APPBP2: variants seen among roughly 807,000 people sequenced by gnomAD.
APPBP2 encodes the protein amyloid beta precursor protein binding protein 2, also known as amyloid protein-binding protein 2.
In APPBP2, 15 loss-of-function variants were observed where a neutral mutation model predicts 76.0. The ratio of observed to expected loss-of-function variants is 0.20; its 90% CI spans 0.13 to 0.30. APPBP2 has a LOEUF of 0.30. Ranked by LOEUF, APPBP2 falls within the 10% of genes least tolerant of loss-of-function variation. The probability of loss-of-function intolerance (pLI) is 1.00; values close to 1 mark genes in which losing one functional copy is unlikely to be tolerated. For missense variants in APPBP2, 401 were observed against 687.2 expected (o/e 0.58, Z 4.66); for synonymous variants, 222 against 242.2 (o/e 0.92, Z 0.77).
chr17:60,502,979 G>A (rs1317284396), intron 1 of APPBP2, among the ~76,000 whole-genome samples: 1 of 145,554 alleles, frequency 6.9e-6, no homozygotes, highest in South Asian at 2.1e-4. Context: ...TACTAAATGA[G>A]AGTCTATATT....
At chr17:60,469,379 G>A (rs2090535020) in intron 4 of APPBP2, among the ~76,000 whole-genome samples, 1 of 150,854 alleles carries the variant, frequency 6.6e-6, no homozygotes, top group African/African-American at 2.5e-5. Context: ...GGGGAGAGCT[G>A]CATAATGAAA....
At chr17:60,501,401 T>C (rs2090822415) in intron 1 of APPBP2, among the ~76,000 whole-genome samples, 1 of 152,190 alleles carries the variant, frequency 6.6e-6, no homozygotes, top group African/African-American at 2.4e-5. Flanking sequence ...CAAATGCTTT[T>C]TGAGACAGTC....
At chr17:60,459,025 C>A (rs1395368651) in intron 9 of APPBP2, among the ~76,000 whole-genome samples, 2 of 152,050 alleles carry the variant, frequency 1.3e-5, no homozygotes, top group Non-Finnish European at 2.9e-5. Flanking sequence ...CCCGCTTCGG[C>A]CTCCCAAAGT....
At chr17:60,523,539 GGAA>G (rs946558088) in intron 1 of APPBP2, among the ~76,000 whole-genome samples, 8 of 152,042 alleles carry the variant, frequency 5.3e-5, no homozygotes, top group African/African-American at 1.7e-4. Flanking sequence ...GTGTTTAAAA[GGAA>G]GAAAAGTCAG....
chr17:60,458,464 A>G (rs1598348220), intron 9 of APPBP2, among the ~76,000 whole-genome samples: 1 of 151,974 alleles, frequency 6.6e-6, no homozygotes, highest in South Asian at 2.1e-4. Flanking sequence ...AAACAAAAAA[A>G]CTTCCTGTTT....
chr17:60,453,970 CA>C (rs1472795752), intron 11 of APPBP2, among the ~76,000 whole-genome samples: 2 of 152,190 alleles, frequency 1.3e-5, no homozygotes, highest in African/African-American at 4.8e-5. Flanking sequence ...TTCTTGGGCT[CA>C]ACTCATCCTC....
At chr17:60,497,231 A>T (rs931992748) in intron 2 of APPBP2, among the ~76,000 whole-genome samples, 1 of 152,188 alleles carries the variant, frequency 6.6e-6, no homozygotes, top group Non-Finnish European at 1.5e-5. Context: ...ATGGTAAGTA[A>T]AAGAAGCCAG....
rs74396726 is a variant in APPBP2, at chr17:60,495,693, C to T, written c.228-1076G>A. On this transcript the variant is annotated intron_variant, in intron 2 of 12. Coordinates refer to ENST00000083182, the MANE Select transcript of APPBP2 (RefSeq NM_006380.5). ...AAAAACGGGAACCCTCATACATTGGCGGTGGGATTATAAAATGATATGGCT... is the reference window on the plus strand; with the variant it reads ...AAAAACGGGAACCCTCATACATTGGTGGTGGGATTATAAAATGATATGGCT... 2.5e-3 allele frequency among the ~76,000 whole-genome samples: 377 copies of T among 151,850 alleles called. 1 individual carries two copies. The highest frequency in any genetic ancestry group is 8.8e-3 in the African/African-American group (365 of 41,400).
intron 1 of APPBP2, among the ~76,000 whole-genome samples, chr17:60,516,318 T>C (rs2090963517): frequency 6.6e-6 from 1 of 152,222 alleles, no homozygotes; most frequent in Non-Finnish European, 1.5e-5. Context: ...TTTCGTTCAA[T>C]TTTTGTGCAT....
chr17:60,492,567 G>A (rs1002023629), intron 3 of APPBP2, among the ~76,000 whole-genome samples: 1 of 152,216 alleles, frequency 6.6e-6, no homozygotes, highest in Non-Finnish European at 1.5e-5. Context: ...GTGAGACATG[G>A]AGTCAGAAAA....
At chr17:60,451,510 G>A (rs371507969) in intron 12 of APPBP2, among the ~76,000 whole-genome samples, 106 of 152,036 alleles carry the variant, frequency 7.0e-4, no homozygotes, top group African/African-American at 2.3e-3. Context: ...GTCTCGTTCT[G>A]TTGCCCAGGC....
intron 3 of APPBP2, among the ~76,000 whole-genome samples, chr17:60,492,474 G>A (rs1384403396): frequency 6.6e-6 from 1 of 152,210 alleles, no homozygotes; most frequent in Non-Finnish European, 1.5e-5. Flanking sequence ...GCAGCTGGGA[G>A]GGAGGCTGTA....
intron 2 of APPBP2, 94 bp from the exon 3 acceptor site, chr17:60,494,711 T>C: frequency 8.8e-7 from 1 of 1,137,710 alleles, no homozygotes; most frequent in Non-Finnish European, 1.2e-6. Flanking sequence ...ATAGCACCAT[T>C]ATTTTCCAGG....
intron 2 of APPBP2, among the ~76,000 whole-genome samples, chr17:60,497,193 T>G (rs1043214448): frequency 6.6e-5 from 10 of 152,204 alleles, no homozygotes; most frequent in African/African-American, 2.4e-4. Flanking sequence ...TGAGATCCTG[T>G]CATCTGCAAC....
At position 60,447,458 on chromosome 17, in the gene APPBP2, C is replaced by A; in HGVS notation, c.*123G>T. ...AGATAGGGATCACCCAAAATAGGGT[C>A]TTCAATGGACTGGACCAGTGTTTCA... On this transcript the variant is annotated 3_prime_UTR_variant, in exon 13 of 13. Coordinates refer to ENST00000083182, the MANE Select transcript of APPBP2 (RefSeq NM_006380.5). The A allele has an allele frequency of 8.7e-7, 1 of 1,144,542 alleles. No individual in the cohort carries two copies. Among genetic ancestry groups the A allele is most frequent in the Non-Finnish European group, 1.2e-6 (1 of 815,360 alleles). The allele number at this position is 1,144,542 out of a possible 1,614,324, so 70.9% of individuals were successfully genotyped here.
Position 60,447,037 on chromosome 17 carries a change from T to C in APPBP2, c.*544A>G, listed in dbSNP as rs1457076057. 6.5e-6 allele frequency: 1 copy of C among 152,944 alleles called. No homozygotes were observed. Among genetic ancestry groups the C allele is most frequent in the African/African-American group, 2.4e-5 (1 of 41,452 alleles). 9.5% of individuals were successfully genotyped at this position (152,944 alleles called of 1,614,324 possible). A position where few individuals can be genotyped will look rare whatever the true frequency, so the allele number is the denominator to read the frequency against. On this transcript the variant is annotated 3_prime_UTR_variant, in exon 13 of 13. Coordinates refer to ENST00000083182, the MANE Select transcript of APPBP2 (RefSeq NM_006380.5). ...TTCCTTGTAATATAGAGTGGTTGTATCCACTTATCTGGGCAAGGTAGAAAA... is the reference window on the plus strand; with the variant it reads ...TTCCTTGTAATATAGAGTGGTTGTACCCACTTATCTGGGCAAGGTAGAAAA...
chr17:60,492,253 CA>C (rs1328957153), intron 3 of APPBP2, among the ~76,000 whole-genome samples: 4 of 152,198 alleles, frequency 2.6e-5, no homozygotes, highest in African/African-American at 9.6e-5. Context: ...AAGTTTGCTG[CA>C]GGGTGAGGTC....
intron 3 of APPBP2, among the ~76,000 whole-genome samples, chr17:60,480,673 C>T (rs1393293803): frequency 6.6e-6 from 1 of 152,108 alleles, no homozygotes; most frequent in Admixed American, 6.6e-5. Context: ...TTCTACTTAT[C>T]ATCCCAACAT....
chr17:60,497,893 C>T (rs2090789264), intron 2 of APPBP2, among the ~76,000 whole-genome samples: 1 of 152,024 alleles, frequency 6.6e-6, no homozygotes, highest in Admixed American at 6.6e-5. Flanking sequence ...AACCCCAGCA[C>T]TTTGGGAGGC....
Sources: gnomAD v4.1 joint callset for allele counts (sites outside exome capture counted in the v4.1 genomes callset) on GRCh38, gnomAD v4.1.1 for gene constraint, MANE v1.5 for transcripts, NCBI Gene and HGNC (gene_info 2026-07-23, HGNC 2026-07-21) for gene names.